The following NCOR1 variants were observed in gnomAD, a reference collection of about 807,000 sequenced individuals.
NCOR1 encodes nuclear receptor corepressor 1, also known as protein phosphatase 1, regulatory subunit 109.
NCOR1 carries 63 observed loss-of-function variants against 288.1 expected under a neutral mutation model. The observed-to-expected ratio is 0.22, with a 90% CI of 0.18 to 0.27. The LOEUF (loss-of-function observed/expected upper bound fraction) is 0.27, where lower values mean the gene tolerates loss of function less well. Among genes scored for constraint, NCOR1 ranks in the 10% least tolerant of loss-of-function variants. NCOR1 has a pLI of 1.00. For missense variants in NCOR1, 2,397 were observed against 3,019.2 expected, an observed-to-expected ratio of 0.79 and a Z score of 4.83; for synonymous variants, 1,007 against 1,065.9, an observed-to-expected ratio of 0.94 and a Z score of 1.08.
At chr17:16,081,379 AT>A (rs200434988) in intron 23 of NCOR1, among the ~76,000 whole-genome samples, 8,565 of 26,036 alleles carry the variant, frequency 0.33, 386 homozygotes, top group South Asian at 0.39. Flanking sequence ...GGAAATATTT[AT>A]TTAAAAAAAA....
chr17:16,092,695 A>ATATTTTTTTT (rs1567961490), intron 21 of NCOR1, among the ~76,000 whole-genome samples: 1 of 22,600 alleles, frequency 4.4e-5, no homozygotes, highest in Non-Finnish European at 6.9e-5. Context: ...ATATATATAT[A>ATATTTTTTTT]TTTTTTTTTT....
intron 3 of NCOR1, among the ~76,000 whole-genome samples, chr17:16,182,378 C>T (rs1345931130): frequency 6.6e-6 from 1 of 152,148 alleles, no homozygotes; most frequent in Non-Finnish European, 1.5e-5. Flanking sequence ...ATTGTCATAA[C>T]TTAATCCAGA....
intron 14 of NCOR1, among the ~76,000 whole-genome samples, chr17:16,126,966 C>T (rs894153726): frequency 7.2e-5 from 11 of 151,930 alleles, no homozygotes; most frequent in African/African-American, 2.4e-4. Flanking sequence ...AGTGTAGTAG[C>T]GTACAGTATG....
At chr17:16,045,818 A>AT (rs57077883) in intron 42 of NCOR1, among the ~76,000 whole-genome samples, 6,325 of 149,462 alleles carry the variant, frequency 0.042, 436 homozygotes, top group African/African-American at 0.15. Context: ...TTTAAAAAAA[A>AT]TTTTTTTTTT....
intron 9 of NCOR1, among the ~76,000 whole-genome samples, chr17:16,148,367 G>A (rs772694400): frequency 5.9e-5 from 9 of 152,038 alleles, no homozygotes; most frequent in African/African-American, 1.9e-4. Context: ...TCAGTCATCC[G>A]TAGTCCATGA....
intron 3 of NCOR1, among the ~76,000 whole-genome samples, chr17:16,183,247 A>C (rs186057364): frequency 2.0e-5 from 3 of 149,026 alleles, no homozygotes; most frequent in Non-Finnish European, 4.5e-5. Flanking sequence ...AAAAAAAAAG[A>C]AAAGAAAAAA....
intron 8 of NCOR1, chr17:16,151,610 T>TA (rs2078880885): frequency 3.7e-6 from 5 of 1,351,682 alleles, no homozygotes; most frequent in Non-Finnish European, 3.9e-6. Context: ...GCCTTGCAGG[T>TA]ACTCCACTGA....
intron 1 of NCOR1, among the ~76,000 whole-genome samples, chr17:16,194,982 G>A (rs2089445886): frequency 1.3e-5 from 2 of 152,174 alleles, no homozygotes; most frequent in African/African-American, 4.8e-5. Context: ...TTAAATTTGG[G>A]AGTTGATAAG....
chr17:16,146,712 C>A (rs1393852672), intron 9 of NCOR1, among the ~76,000 whole-genome samples, 164 bp from the exon 10 acceptor site: 1 of 152,122 alleles, frequency 6.6e-6, no homozygotes, highest in African/African-American at 2.4e-5. Context: ...GGAAAGGTAG[C>A]TCTGTTTCCT....
intron 14 of NCOR1, among the ~76,000 whole-genome samples, chr17:16,129,325 A>T (rs1342701843): frequency 6.6e-6 from 1 of 152,108 alleles, no homozygotes; most frequent in African/African-American, 2.4e-5. Context: ...CCTCATTGTG[A>T]CCTTTGAACC....
At chr17:16,077,171 C>A (rs554927502) in intron 26 of NCOR1, among the ~76,000 whole-genome samples, 104 of 152,008 alleles carry the variant, frequency 6.8e-4, no homozygotes, top group Non-Finnish European at 1.2e-3. Flanking sequence ...CCAAGACGGG[C>A]GGATCACCTG....
intron 1 of NCOR1, among the ~76,000 whole-genome samples, chr17:16,203,573 T>A (rs1346165841): frequency 6.6e-6 from 1 of 152,246 alleles, no homozygotes; most frequent in Non-Finnish European, 1.5e-5. Context: ...TCACCCTTTT[T>A]GTTCCTTTAT....
intron 20 of NCOR1, 49 bp from the exon 21 acceptor site, chr17:16,098,545 C>A: frequency 6.6e-7 from 1 of 1,524,276 alleles, no homozygotes; most frequent in South Asian, 1.2e-5. Context: ...TTTTAAGACT[C>A]AAACATATAA....
chr17:16,034,212 G>A (rs1973447306), intron 45 of NCOR1, among the ~76,000 whole-genome samples: 1 of 152,148 alleles, frequency 6.6e-6, no homozygotes, highest in Non-Finnish European at 1.5e-5. Context: ...TGAGGAGAAT[G>A]GTTGAGATTA....
intron 10 of NCOR1, among the ~76,000 whole-genome samples, chr17:16,145,854 A>G (rs1437380586): frequency 2.0e-5 from 3 of 149,816 alleles, no homozygotes; most frequent in African/African-American, 5.1e-5. Flanking sequence ...TCGACTAGAG[A>G]GGGGGGGAAA....
chr17:16,073,015 G>C (rs1419106328), intron 28 of NCOR1, among the ~76,000 whole-genome samples: 1 of 152,142 alleles, frequency 6.6e-6, no homozygotes, highest in Non-Finnish European at 1.5e-5. Flanking sequence ...ACCAGGGAAG[G>C]GTGAAGCTGA....
chr17:16,127,703 ATATG>A (rs1239426351), intron 14 of NCOR1, among the ~76,000 whole-genome samples: 4 of 135,620 alleles, frequency 2.9e-5, no homozygotes, highest in East Asian at 2.0e-4. Flanking sequence ...ATATATGTAT[ATATG>A]TGTGTGTATA....
At chr17:16,073,706 G>T in intron 27 of NCOR1, 137 bp from the exon 28 acceptor site, 1 of 674,458 alleles carries the variant, frequency 1.5e-6, no homozygotes, top group Non-Finnish European at 2.1e-6. Flanking sequence ...AATATGTGTA[G>T]ATGATTCATG....
At chr17:16,070,943 C>T (rs537160174) in intron 30 of NCOR1, among the ~76,000 whole-genome samples, 56 of 152,106 alleles carry the variant, frequency 3.7e-4, no homozygotes, top group African/African-American at 1.2e-3. Context: ...GCAGGAGAAT[C>T]GCTTGAACCC....
Sources: gnomAD v4.1 joint callset for allele counts (sites outside exome capture counted in the v4.1 genomes callset) on GRCh38, gnomAD v4.1.1 for gene constraint, MANE v1.5 for transcripts, NCBI Gene and HGNC (gene_info 2026-07-23, HGNC 2026-07-21) for gene names.